The following DISP1 variants were observed in gnomAD, a reference collection of about 807,000 sequenced individuals.
The protein encoded by DISP1 is protein dispatched homolog 1.
In DISP1, 30 loss-of-function variants were observed where a neutral mutation model predicts 37.3. That is an observed-to-expected ratio of 0.80 (90% confidence interval 0.60 to 1.09). The LOEUF (loss-of-function observed/expected upper bound fraction) is 1.09. Ranked by LOEUF, DISP1 falls within the 50% of genes least tolerant of loss-of-function variation. The pLI, the probability that DISP1 is intolerant of heterozygous loss-of-function variation, is 0.00. For missense variants in DISP1, 1,598 were observed against 1,879.5 expected (o/e 0.85, Z 2.77); for synonymous variants, 634 against 690.2 (o/e 0.92, Z 1.28).
chr1:222,896,948 G>C (rs888320310), intron 1 of DISP1, among the ~76,000 whole-genome samples: 5 of 152,182 alleles, frequency 3.3e-5, no homozygotes, highest in African/African-American at 4.8e-5. Flanking sequence ...AAACCACTTG[G>C]AAAGTTTTGG....
Position 222,911,317 on chromosome 1 carries a change from G to A in DISP1, c.-158-17113G>A, listed in dbSNP as rs538297741. Among the ~76,000 whole-genome samples the A allele has an allele frequency of 3.7e-4, 56 of 152,242 alleles. 1 individual carries two copies. The South Asian group carries it at 0.012, about 32-fold the overall frequency. ...GAGAATCTTCTGTAAACCAGAGCCTGCTTCCAATTTGTATTGTCTAGAGAA... is the reference window on the plus strand; with the variant it reads ...GAGAATCTTCTGTAAACCAGAGCCTACTTCCAATTTGTATTGTCTAGAGAA... On this transcript the variant is annotated intron_variant, in intron 1 of 8. Transcript: ENST00000675850.
chr1:222,884,890 G>T (rs1023608817), intron 1 of DISP1, among the ~76,000 whole-genome samples: 4 of 152,178 alleles, frequency 2.6e-5, no homozygotes, highest in Non-Finnish European at 4.4e-5. Flanking sequence ...ACGCTGGAGT[G>T]CAGTGGCGCG....
At chr1:222,854,316 G>T (rs1328747735) in intron 1 of DISP1, among the ~76,000 whole-genome samples, 1 of 152,170 alleles carries the variant, frequency 6.6e-6, no homozygotes, top group East Asian at 1.9e-4. Context: ...GGCTGGGGAA[G>T]CCTCAGGAAA....
chr1:222,929,963 T>C (rs1184701795), intron 2 of DISP1, among the ~76,000 whole-genome samples: 1 of 152,140 alleles, frequency 6.6e-6, no homozygotes, highest in Non-Finnish European at 1.5e-5. Flanking sequence ...ACTATTTGCA[T>C]TGATTATGAA....
chr1:222,912,615 C>T (rs1266632856), intron 1 of DISP1, among the ~76,000 whole-genome samples: 1 of 152,118 alleles, frequency 6.6e-6, no homozygotes, highest in Non-Finnish European at 1.5e-5. Context: ...ATTCTCTCCT[C>T]CTCTATTTCT....
At chr1:222,902,349 C>T (rs1410661045) in intron 1 of DISP1, among the ~76,000 whole-genome samples, 2 of 152,096 alleles carry the variant, frequency 1.3e-5, no homozygotes, top group Non-Finnish European at 2.9e-5. Flanking sequence ...AGATTCTGAA[C>T]CCTAGAAGAA....
intron 1 of DISP1, among the ~76,000 whole-genome samples, chr1:222,903,775 T>C (rs1671746687): frequency 6.6e-6 from 1 of 152,144 alleles, no homozygotes; most frequent in Non-Finnish European, 1.5e-5. Context: ...ACACCAAAGA[T>C]TACTAGTCTA....
intron 1 of DISP1, among the ~76,000 whole-genome samples, chr1:222,922,294 G>A (rs952874233): frequency 3.9e-5 from 6 of 152,052 alleles, no homozygotes; most frequent in East Asian, 1.9e-4. Flanking sequence ...ATGATGTATC[G>A]AGAAGCTCTA....
At chr1:222,990,528 G>A in intron 4 of DISP1, 97 bp from the exon 5 acceptor site, 1 of 1,594,192 alleles carries the variant, frequency 6.3e-7, no homozygotes, top group South Asian at 1.1e-5. Flanking sequence ...GCTGTCTTAG[G>A]TACCAAAAAT....
intron 1 of DISP1, among the ~76,000 whole-genome samples, chr1:222,858,978 T>C (rs546659368): frequency 2.0e-5 from 3 of 152,248 alleles, no homozygotes; most frequent in Non-Finnish European, 4.4e-5. Context: ...ATCCCATTAC[T>C]GGGTATATAC....
rs140670362 is a variant in DISP1 at position 222,839,572 on chromosome 1, A to G, written c.-159+24494A>G. On this transcript the variant is annotated intron_variant, in intron 1 of 8. Coordinates refer to ENST00000675850, the MANE Select transcript of DISP1 (RefSeq NM_001377229.1). Reference sequence around the variant, plus strand: ...AGTGATCTCACTGCTTAGTACAGAGATGCTCTTTAATTTACAGTAGCATTA... The same window carrying G: ...AGTGATCTCACTGCTTAGTACAGAGGTGCTCTTTAATTTACAGTAGCATTA... Among the ~76,000 whole-genome samples the G allele has an allele frequency of 1.5e-3, 222 of 152,310 alleles. 1 individual carries two copies. The highest frequency in any genetic ancestry group is 5.1e-3 in the African/African-American group (213 of 41,562).
chr1:222,988,329 T>C (rs1678422895), intron 4 of DISP1, among the ~76,000 whole-genome samples: 1 of 152,168 alleles, frequency 6.6e-6, no homozygotes, highest in Non-Finnish European at 1.5e-5. Context: ...TTCTAGTTAC[T>C]CTTGTGTCTG....
intron 4 of DISP1, among the ~76,000 whole-genome samples, chr1:222,987,237 T>C (rs1424234478): frequency 6.6e-6 from 1 of 152,216 alleles, no homozygotes; most frequent in Non-Finnish European, 1.5e-5. Context: ...AGCTATACTA[T>C]ATATTTGCAT....
At chr1:222,922,914 C>T (rs762719387) in intron 1 of DISP1, among the ~76,000 whole-genome samples, 1 of 151,940 alleles carries the variant, frequency 6.6e-6, no homozygotes, top group Non-Finnish European at 1.5e-5. Flanking sequence ...TATTTACCAA[C>T]AAAGTTGGTA....
At chr1:222,986,031 C>T (rs928856521) in intron 4 of DISP1, among the ~76,000 whole-genome samples, 9 of 152,136 alleles carry the variant, frequency 5.9e-5, no homozygotes, top group South Asian at 2.1e-4. Flanking sequence ...AATACACCAA[C>T]GGGGAAAGGA....
intron 1 of DISP1, among the ~76,000 whole-genome samples, chr1:222,854,592 T>C (rs1489830745): frequency 1.3e-5 from 2 of 152,036 alleles, no homozygotes; most frequent in African/African-American, 4.8e-5. Context: ...AGTCACTGTT[T>C]TGGAGATAGT....
At chr1:222,985,321 GA>G (rs1317454176) in intron 4 of DISP1, among the ~76,000 whole-genome samples, 3 of 152,180 alleles carry the variant, frequency 2.0e-5, no homozygotes, top group African/African-American at 7.2e-5. Context: ...TTCCCTTATT[GA>G]ATTCACAAAA....
intron 4 of DISP1, among the ~76,000 whole-genome samples, chr1:222,984,531 A>T (rs925495275): frequency 6.7e-5 from 10 of 149,836 alleles, no homozygotes; most frequent in African/African-American, 2.4e-4. Context: ...GTTATATATA[A>T]CAGGTTTATA....
chr1:222,975,278 G>A (rs981707945), intron 3 of DISP1, among the ~76,000 whole-genome samples: 2 of 152,072 alleles, frequency 1.3e-5, no homozygotes, highest in African/African-American at 4.8e-5. Flanking sequence ...TCCCAGCTGG[G>A]CCTCCCAAAG....
Sources: allele counts gnomAD v4.1 joint callset (sites outside exome capture counted in the v4.1 genomes callset), GRCh38; gene constraint gnomAD v4.1.1; transcripts MANE v1.5; gene names NCBI Gene and HGNC (gene_info 2026-07-23, HGNC 2026-07-21).